EIF4G3: variants seen among roughly 807,000 people sequenced by gnomAD.
EIF4G3 encodes the protein eIF-4-gamma 3.
Under a neutral mutation model 186.4 loss-of-function variants are expected in EIF4G3, and 34 were observed. The ratio of observed to expected loss-of-function variants is 0.18; its 90% confidence interval spans 0.14 to 0.24. The LOEUF is 0.24. Ranked by LOEUF, EIF4G3 falls within the 10% of genes least tolerant of loss-of-function variation. The pLI is 1.00. For synonymous variants in EIF4G3, 673 were observed against 679.5 expected (o/e 0.99, Z 0.15); for missense variants, 1,536 against 1,948.5 (o/e 0.79, Z 3.99).
chr1:21,046,207 A>G (rs2154575910), intron 4 of EIF4G3, among the ~76,000 whole-genome samples: 1 of 152,356 alleles, frequency 6.6e-6, no homozygotes, highest in Middle Eastern at 3.4e-3. Context: ...AGGGAAACTG[A>G]AAAGAATCTA....
intron 24 of EIF4G3, among the ~76,000 whole-genome samples, chr1:20,858,287 A>T (rs1402857254): frequency 6.6e-6 from 1 of 152,148 alleles, no homozygotes; most frequent in East Asian, 1.9e-4. Context: ...CTAAGTCCCC[A>T]TCTTCTACCA....
At chr1:20,959,466 C>T (rs1420535720) in intron 12 of EIF4G3, among the ~76,000 whole-genome samples, 1 of 151,970 alleles carries the variant, frequency 6.6e-6, no homozygotes. Context: ...CTCTTCTAGA[C>T]ATCAGCCCAG....
chr1:20,902,818 T>C (rs2090830597), intron 15 of EIF4G3, among the ~76,000 whole-genome samples: 1 of 152,144 alleles, frequency 6.6e-6, no homozygotes, highest in Admixed American at 6.5e-5. Flanking sequence ...TTTTTGTATT[T>C]TTAACAGAGA....
intron 3 of EIF4G3, among the ~76,000 whole-genome samples, chr1:21,063,876 A>T (rs925299099): frequency 1.0e-3 from 136 of 136,394 alleles, no homozygotes; most frequent in Non-Finnish European, 1.8e-3. Context: ...CACCCAGCTA[A>T]TTTTTTTTTT....
chr1:21,108,940 G>A (rs1286964484), intron 2 of EIF4G3, among the ~76,000 whole-genome samples: 1 of 150,938 alleles, frequency 6.6e-6, no homozygotes, highest in African/African-American at 2.4e-5. Context: ...AAGGGGCCAG[G>A]TGTGGTGGCT....
At chr1:20,881,249 G>A (rs1403334855) in intron 19 of EIF4G3, among the ~76,000 whole-genome samples, 1 of 152,154 alleles carries the variant, frequency 6.6e-6, no homozygotes, top group African/African-American at 2.4e-5. Flanking sequence ...TCAACAAATG[G>A]TGCTGGAACA....
chr1:21,086,413 C>A (rs1037185954), intron 3 of EIF4G3, among the ~76,000 whole-genome samples: 5 of 152,048 alleles, frequency 3.3e-5, no homozygotes, highest in Non-Finnish European at 5.9e-5. Context: ...AACCAACCTA[C>A]ATACTCTTTA....
At chr1:21,122,873 G>A (rs1020645337) in intron 2 of EIF4G3, among the ~76,000 whole-genome samples, 8 of 152,134 alleles carry the variant, frequency 5.3e-5, no homozygotes, top group African/African-American at 1.7e-4. Flanking sequence ...ATACAGATTC[G>A]GATTCAAGCA....
intron 3 of EIF4G3, among the ~76,000 whole-genome samples, chr1:21,059,344 T>G (rs1319110232): frequency 1.3e-5 from 2 of 152,146 alleles, no homozygotes; most frequent in Admixed American, 1.3e-4. Context: ...AGTCAAGTAT[T>G]TTTCCCTTCA....
At chr1:21,003,113 C>T (rs1158575205) in intron 4 of EIF4G3, among the ~76,000 whole-genome samples, 1 of 150,462 alleles carries the variant, frequency 6.6e-6, no homozygotes, top group African/African-American at 2.4e-5. Flanking sequence ...CCTCCCACCT[C>T]AGCCTCTGGA....
chr1:21,056,904 T>C (rs2094584473), intron 3 of EIF4G3, among the ~76,000 whole-genome samples: 1 of 152,222 alleles, frequency 6.6e-6, no homozygotes, highest in Non-Finnish European at 1.5e-5. Context: ...CTAAGCAAAA[T>C]ACATCAACCA....
intron 34 of EIF4G3, 122 bp from the exon 35 acceptor site, chr1:20,813,361 G>C (rs1199492727): frequency 7.3e-6 from 3 of 412,114 alleles, no homozygotes; most frequent in Non-Finnish European, 1.4e-5. Context: ...GCTAGGAGTT[G>C]AGACCAGTCT....
chr1:20,904,211 A>G (rs1017284450), intron 15 of EIF4G3, among the ~76,000 whole-genome samples: 4 of 152,220 alleles, frequency 2.6e-5, no homozygotes, highest in Non-Finnish European at 1.5e-5. Context: ...TTTATAATGT[A>G]CTAGATGAAT....
Position 21,001,294 on chromosome 1 carries a change from T to C in EIF4G3, c.49A>G (p.Ile17Val). The change falls in exon 6 of 37, where the codon ATA becomes GTA. Residue 17 changes from isoleucine (I) to valine (V), a missense_variant. Coordinates refer to ENST00000602326, the MANE Select transcript of EIF4G3 (RefSeq NM_001391906.1). ...CTCTTCCAGTTGTCTGTGCAATGTA[T>C]TGGCACTGTTCTGCTGGGCTGTCAA... is the stretch of plus-strand genomic sequence containing the variant. ...TRSPPSRTVP[I>V]HCTDNWKRRK... 2.1e-6 allele frequency: 1 copy of C among 471,312 alleles called. No homozygotes were observed. The highest frequency in any genetic ancestry group is 3.2e-4 in the Middle Eastern group (1 of 3,080). The allele number at this position is 471,312 out of a possible 1,614,324, so 29.2% of individuals were successfully genotyped here.
At chr1:21,083,242 TAAATA>T (rs2095851515) in intron 3 of EIF4G3, among the ~76,000 whole-genome samples, 2 of 151,688 alleles carry the variant, frequency 1.3e-5, no homozygotes, top group Non-Finnish European at 1.5e-5. Flanking sequence ...CTCTGTTAAA[TAAATA>T]AATAAATAAA....
chr1:20,960,429 G>C (rs916201332), intron 12 of EIF4G3, among the ~76,000 whole-genome samples: 12 of 151,986 alleles, frequency 7.9e-5, no homozygotes, highest in Non-Finnish European at 1.8e-4. Flanking sequence ...TCATGCCACT[G>C]AACTCTAGCC....
At chr1:20,813,496 G>A (rs1018678940) in intron 34 of EIF4G3, among the ~76,000 whole-genome samples, 1 of 151,638 alleles carries the variant, frequency 6.6e-6, no homozygotes, top group Non-Finnish European at 1.5e-5. Flanking sequence ...TTGATCCCAA[G>A]GGTTTGAGGC....
intron 2 of EIF4G3, among the ~76,000 whole-genome samples, chr1:21,173,249 C>T (rs942522294): frequency 6.7e-6 from 1 of 149,348 alleles, no homozygotes; most frequent in African/African-American, 2.5e-5. Context: ...CAGGCTGGAG[C>T]GCAGTGGTGC....
In EIF4G3 at chr1:20,829,147, A is replaced by C; in HGVS notation, c.4187T>G (p.Ile1396Arg). 1 of 1,613,170 alleles carries C rather than the reference A, an allele frequency of 6.2e-7. No individual in the cohort carries two copies. The highest frequency in any genetic ancestry group is 2.2e-5 in the East Asian group (1 of 44,870). ...ATCAAGAGAAACAAGTATAACTTAC[A>C]TGGTAAGTTCTCTCATGGAGATTCC... ...EGGISMRELTIEFSKPLLPVG... is the reference protein window; with the variant it reads ...EGGISMRELTREFSKPLLPVG... The change falls in exon 31 of 37, where the codon ATA becomes AGA. Residue 1396 changes from isoleucine to arginine, a missense_variant and splice_region_variant. Coordinates refer to ENST00000602326, the MANE Select transcript of EIF4G3 (RefSeq NM_001391906.1).
Sources: gnomAD v4.1 joint callset for allele counts (sites outside exome capture counted in the v4.1 genomes callset) on GRCh38, gnomAD v4.1.1 for gene constraint, MANE v1.5 for transcripts, NCBI Gene and HGNC (gene_info 2026-07-23, HGNC 2026-07-21) for gene names.